FTCDNL1: variants seen among roughly 807,000 people sequenced by gnomAD.
The protein encoded by FTCDNL1 is formiminotransferase N-terminal subdomain-containing protein.
FTCDNL1 carries 11 observed loss-of-function variants against 5.9 expected under a neutral mutation model. The observed-to-expected ratio is 1.87, with a 90% CI of 1.18 to 3.10. The LOEUF (loss-of-function observed/expected upper bound fraction) is 3.10. Among genes scored for constraint, FTCDNL1 ranks in the 30% most tolerant of loss-of-function variants. The probability of loss-of-function intolerance (pLI) is 0.00; values close to 1 mark genes in which losing one functional copy is unlikely to be tolerated. For missense variants in FTCDNL1, 115 were observed against 65.5 expected (o/e 1.76, Z -2.61); for synonymous variants, 58 against 24.8 (o/e 2.34, Z -3.99).
At chr2:199,848,771 T>G in intron 2 of FTCDNL1, 77 bp downstream of exon 2, 3 of 637,924 alleles carry the variant, frequency 4.7e-6, no homozygotes, top group Non-Finnish European at 8.5e-6. Context: ...GTTCTGTAGA[T>G]ACAGTGTGCA....
chr2:199,701,592 ATGT>A, the FTCDNL1 span, among the ~76,000 whole-genome samples: 3 of 152,216 alleles, frequency 2.0e-5, no homozygotes, highest in Middle Eastern at 3.2e-3. Flanking sequence ...GATAAAGGAA[ATGT>A]TGTATATATA....
the FTCDNL1 span, among the ~76,000 whole-genome samples, chr2:199,727,504 A>T: frequency 6.6e-6 from 1 of 152,194 alleles, no homozygotes; most frequent in Admixed American, 6.5e-5. Context: ...CACCTCCTTT[A>T]GCTGGGGATG....
chr2:199,841,639 GCTGTCAAATGACAGCATGTAAAA>G (rs1559245507), intron 3 of FTCDNL1, among the ~76,000 whole-genome samples: 1 of 151,654 alleles, frequency 6.6e-6, no homozygotes, highest in Non-Finnish European at 1.5e-5. Flanking sequence ...CCTTTTACAT[GCTGTCAAATGACAGCATGTAAAA>G]AAAATGTATT....
the FTCDNL1 span, among the ~76,000 whole-genome samples, chr2:199,738,862 C>T: frequency 6.6e-6 from 1 of 152,170 alleles, no homozygotes; most frequent in East Asian, 1.9e-4. Flanking sequence ...TAGCTTAAGA[C>T]CCACTTAACT....
chr2:199,685,703 G>A, the FTCDNL1 span, among the ~76,000 whole-genome samples: 1 of 152,070 alleles, frequency 6.6e-6, no homozygotes, highest in South Asian at 2.1e-4. Flanking sequence ...CAACACTATG[G>A]GAACACAGAA....
chr2:199,720,197 T>A, the FTCDNL1 span, among the ~76,000 whole-genome samples: 3 of 152,188 alleles, frequency 2.0e-5, no homozygotes, highest in South Asian at 2.1e-4. Context: ...CTTCTCCAAT[T>A]TGGATGCCTC....
At chr2:199,741,628 C>A in the FTCDNL1 span, among the ~76,000 whole-genome samples, 1 of 152,136 alleles carries the variant, frequency 6.6e-6, no homozygotes, top group Non-Finnish European at 1.5e-5. Flanking sequence ...CCAGAATTGT[C>A]TTTGTAATCC....
At position 199,774,616 on chromosome 2, in the gene FTCDNL1, T is replaced by G. The variant is rs139542255; in HGVS notation, c.212-13781A>C. ...TTCCAGGCAAAACGGGTTTTAAGGG[T>G]TTTTTTTAGTGCACCCACCCAGGTA... is the stretch of plus-strand genomic sequence containing the variant. On this transcript the variant is annotated intron_variant, in intron 3 of 3. Coordinates refer to the FTCDNL1 transcript ENST00000416668. Among the ~76,000 whole-genome samples the G allele has an allele frequency of 2.6e-3, 401 of 151,720 alleles. 6 individuals carry two copies. The highest frequency in any genetic ancestry group is 8.9e-3 in the African/African-American group (366 of 41,344).
chr2:199,696,163 A>G, the FTCDNL1 span, among the ~76,000 whole-genome samples: 59 of 152,248 alleles, frequency 3.9e-4, no homozygotes, highest in African/African-American at 1.1e-3. Context: ...ACACATGCAC[A>G]TGCCGCCACC....
intron 3 of FTCDNL1, among the ~76,000 whole-genome samples, chr2:199,799,025 G>A (rs1700311370): frequency 6.6e-6 from 1 of 152,326 alleles, no homozygotes; most frequent in East Asian, 1.9e-4. Flanking sequence ...TGTAACAGCT[G>A]AAAGGAAATC....
chr2:199,849,042 C>A (rs556409509), intron 1 of FTCDNL1, 73 bp from the exon 2 acceptor site: 68 of 654,356 alleles, frequency 1.0e-4, no homozygotes, highest in Non-Finnish European at 1.4e-4. Context: ...ATAAAAAAAT[C>A]ATAACTTTTT....
At chr2:199,693,359 T>A in the FTCDNL1 span, among the ~76,000 whole-genome samples, 4 of 152,296 alleles carry the variant, frequency 2.6e-5, no homozygotes, top group African/African-American at 7.2e-5. Context: ...GCAAAATCAT[T>A]AGGTTTGTGG....
intron 3 of FTCDNL1, among the ~76,000 whole-genome samples, chr2:199,779,507 C>G (rs186954276): frequency 3.3e-5 from 5 of 152,134 alleles, no homozygotes; most frequent in African/African-American, 1.2e-4. Context: ...GAATGCAGCT[C>G]CCCCTCCACC....
chr2:199,718,380 A>G, the FTCDNL1 span, among the ~76,000 whole-genome samples: 2 of 152,248 alleles, frequency 1.3e-5, no homozygotes, highest in Admixed American at 1.3e-4. Context: ...ACATGATTTT[A>G]TTCTTTTTAA....
At chr2:199,726,573 G>A in the FTCDNL1 span, among the ~76,000 whole-genome samples, 31 of 152,184 alleles carry the variant, frequency 2.0e-4, 1 homozygote, top group African/African-American at 7.2e-4. Flanking sequence ...TGGGATTTTT[G>A]TGGGTTCTTT....
the FTCDNL1 span, among the ~76,000 whole-genome samples, chr2:199,689,323 A>T: frequency 1.3e-5 from 2 of 152,218 alleles, no homozygotes; most frequent in Non-Finnish European, 2.9e-5. Flanking sequence ...TGTTGATATG[A>T]GGAAGAGGGA....
At chr2:199,798,428 T>C (rs1487087548) in intron 3 of FTCDNL1, among the ~76,000 whole-genome samples, 3 of 152,194 alleles carry the variant, frequency 2.0e-5, no homozygotes, top group East Asian at 1.9e-4. Context: ...TGCATAAAGT[T>C]TTCAGAAGGA....
the FTCDNL1 span, among the ~76,000 whole-genome samples, chr2:199,667,012 C>T: frequency 6.6e-6 from 1 of 151,776 alleles, no homozygotes; most frequent in Non-Finnish European, 1.5e-5. Flanking sequence ...TTCGTCAGAC[C>T]AGGTGTAAAT....
At chr2:199,814,581 A>T (rs1337479118) in intron 4 of FTCDNL1, among the ~76,000 whole-genome samples, 1 of 152,230 alleles carries the variant, frequency 6.6e-6, no homozygotes, top group African/African-American at 2.4e-5. Flanking sequence ...AAACTCAAGT[A>T]ACTTGCCTGC....
Sources: allele counts gnomAD v4.1 joint callset (sites outside exome capture counted in the v4.1 genomes callset), GRCh38; gene constraint gnomAD v4.1.1; transcripts MANE v1.5; gene names NCBI Gene and HGNC (gene_info 2026-07-23, HGNC 2026-07-21).